CEP78: variants seen among roughly 807,000 people sequenced by gnomAD.
CEP78 encodes the protein centrosomal protein 78.
CEP78 carries 76 observed loss-of-function variants against 81.2 expected under a neutral mutation model. The ratio of observed to expected loss-of-function variants is 0.94; its 90% CI spans 0.78 to 1.13. The LOEUF is 1.13. Ranked by LOEUF, CEP78 falls within the 50% of genes most tolerant of loss-of-function variation. The probability of loss-of-function intolerance (pLI) is 0.00; values close to 1 mark genes in which losing one functional copy is unlikely to be tolerated. For missense variants in CEP78, 918 were observed against 846.8 expected (o/e 1.08, Z -1.04); for synonymous variants, 293 against 301.4 (o/e 0.97, Z 0.29).
At position 78,279,418 on chromosome 9, in the gene CEP78, C is replaced by T. The variant is rs939483190; in HGVS notation, c.*8567C>T. On this transcript the variant is annotated 3_prime_UTR_variant, in exon 17 of 17. Coordinates refer to ENST00000643273, the MANE Select transcript of CEP78 (RefSeq NM_001330691.3). ...CTAAGAATTGAGTTCCTTATTGTAA[C>T]CAGATAGGAGACACTTTTGTATATT... 6 of 152,146 alleles carry T rather than the reference C, an allele frequency of 3.9e-5. No individual in the cohort carries two copies. Among genetic ancestry groups the T allele is most frequent in the African/African-American group, 1.4e-4 (6 of 41,428 alleles). The allele number at this position is 152,146 out of a possible 1,614,324, so 9.4% of individuals were successfully genotyped here.
intron 4 of CEP78, 47 bp downstream of exon 4, chr9:78,241,846 A>G (rs1459760882): frequency 9.8e-7 from 1 of 1,022,800 alleles, no homozygotes; most frequent in Non-Finnish European, 1.5e-6. Flanking sequence ...TATGATTGCC[A>G]CACGTTAATA....
intron 5 of CEP78, among the ~76,000 whole-genome samples, chr9:78,245,289 C>A (rs115704366): frequency 0.021 from 3,192 of 152,040 alleles, 111 homozygotes; most frequent in African/African-American, 0.072. Flanking sequence ...TTCTGGAGTC[C>A]GAGAAGCCCA....
At position 78,273,579 on chromosome 9, in the gene CEP78, C is replaced by CA. The variant is rs35518970; in HGVS notation, c.*2746dup. ...CAAAACTCCGTCTCTACTAAAAATA[C>CA]AAAAAAAAAAAAAAAAAATTAGCTG... On this transcript the variant is annotated 3_prime_UTR_variant, in exon 17 of 17. Coordinates refer to ENST00000643273, the MANE Select transcript of CEP78 (RefSeq NM_001330691.3). 0.39 allele frequency: 45,077 copies of CA among 116,740 alleles called. 8,165 individuals are homozygous for CA. The highest frequency in any genetic ancestry group is 0.51 in the Middle Eastern group (116 of 228). 7.2% of individuals were successfully genotyped at this position (116,740 alleles called of 1,614,324 possible).
rs775771977 is a variant in CEP78 at position 78,240,004 on chromosome 9, T to C, written c.254-19T>C. ...ATTGTATGATTGAAGTCACTAACTTTCTTTTATCTTTGTTTTAGGTTCTGA... is the reference window on the plus strand; with the variant it reads ...ATTGTATGATTGAAGTCACTAACTTCCTTTTATCTTTGTTTTAGGTTCTGA... On this transcript the variant is annotated intron_variant, in intron 1 of 16. Transcript: ENST00000643273. The C allele has an allele frequency of 6.5e-6, 10 of 1,542,574 alleles. No homozygotes were observed. The African/African-American group carries it at 1.1e-4, about 17-fold the overall frequency.
intron 1 of CEP78, among the ~76,000 whole-genome samples, chr9:78,237,242 A>G (rs898286085): frequency 1.3e-5 from 2 of 151,746 alleles, no homozygotes; most frequent in Admixed American, 6.6e-5. Context: ...CGGCCTTCCA[A>G]AGTGCTGGGA....
chr9:78,236,241 C>G lies in CEP78; in HGVS notation c.-110C>G. 3.2e-6 allele frequency: 3 copies of G among 944,906 alleles called. No individual in the cohort carries two copies. Among genetic ancestry groups the G allele is most frequent in the Non-Finnish European group, 4.6e-6 (3 of 649,016 alleles). 58.5% of individuals were successfully genotyped at this position (944,906 alleles called of 1,614,324 possible). On this transcript the variant is annotated 5_prime_UTR_variant, in exon 1 of 17. Coordinates refer to ENST00000643273, the MANE Select transcript of CEP78 (RefSeq NM_001330691.3). The stretch of plus-strand genomic sequence containing the variant: ...GCTCCTGAGCCCGGTGCGGGGCTGC[C>G]GCTATCGCCTGGCCGTGGGTGCCGG...
chr9:78,267,019 G>A, intron 16 of CEP78: 1 of 1,303,264 alleles, frequency 7.7e-7, no homozygotes. Context: ...TAAATCTTTT[G>A]AAACTATGTT....
rs774300100 is a variant in CEP78 at position 78,266,628 on chromosome 9, G to A, written c.2032G>A (p.Gly678Arg). 11 of 1,612,710 alleles carry A rather than the reference G, an allele frequency of 6.8e-6. No individual in the cohort carries two copies. Among genetic ancestry groups the A allele is most frequent in the Non-Finnish European group, 9.3e-6 (11 of 1,179,354 alleles). ...TTCTCCTTCACCAGATGCGACTTCT[G>A]GAACTGGAAGTCAAAGAAAAGAAGA... ...MCSPSPDATS[G>R]TGSQRKEEEL... The change falls in exon 16 of 17, where the codon GGA becomes AGA. Residue 678 changes from glycine (G) to arginine (R), a missense_variant. Physicochemically the swap from Gly to Arg is moderately radical, Grantham distance 125 (BLOSUM62 -2). Transcript: ENST00000643273.
In CEP78 at chr9:78,265,499, C is replaced by T; in HGVS notation, c.1753C>T (p.Pro585Ser). ...AAAGAAGGCGCTTGAAGATGAAAAA[C>T]CAGAACCGAAGCAGAATGCCCTAGG... Reference protein sequence around the residue: ...EEKKALEDEKPEPKQNALGQM... With the variant: ...EEKKALEDEKSEPKQNALGQM... Residue 585 changes from proline to serine, a missense_variant, in exon 14 of 17, where the codon CCA (proline) becomes TCA (serine). Physicochemically the swap from Pro to Ser is moderately conservative, Grantham distance 74. Transcript: ENST00000643273. 1 of 1,583,346 alleles carries T rather than the reference C, an allele frequency of 6.3e-7. No individual in the cohort carries two copies. The highest frequency in any genetic ancestry group is 1.7e-4 in the Middle Eastern group (1 of 6,026).
intron 15 of CEP78, 69 bp from the exon 16 acceptor site, chr9:78,266,373 G>A (rs983082093): frequency 4.9e-5 from 58 of 1,191,528 alleles, no homozygotes; most frequent in Admixed American, 2.4e-4. Flanking sequence ...TAACATTGAC[G>A]TTTTGAACTC....
In CEP78 at chr9:78,278,830, AC is replaced by A. The variant is rs1827853055; in HGVS notation, c.*7982del. ...TTTTCTTTAGATTTCCCTTTTCAGAACCCTTTTGTGACACTGAAAACCTGAG... is the reference window on the plus strand; with the variant it reads ...TTTTCTTTAGATTTCCCTTTTCAGAACCTTTTGTGACACTGAAAACCTGAG... On this transcript the variant is annotated 3_prime_UTR_variant, in exon 17 of 17. Transcript: ENST00000643273. 1 of 152,096 alleles carries A rather than the reference AC, an allele frequency of 6.6e-6. No homozygotes were observed. The allele number at this position is 152,096 out of a possible 1,614,324, so 9.4% of individuals were successfully genotyped here. A position where few individuals can be genotyped will look rare whatever the true frequency, so the allele number is the denominator to read the frequency against.
rs185257473 is a variant in CEP78 at position 78,275,174 on chromosome 9, G to A, written c.*4323G>A. Reference sequence around the variant, plus strand: ...ATAATTTACTATAAATAATTGTGTAGTGTTAAACCAATAAATTTGAAAGAC... The same window carrying A: ...ATAATTTACTATAAATAATTGTGTAATGTTAAACCAATAAATTTGAAAGAC... On this transcript the variant is annotated 3_prime_UTR_variant, in exon 17 of 17. Coordinates refer to ENST00000643273, the MANE Select transcript of CEP78 (RefSeq NM_001330691.3). The A allele has an allele frequency of 1.2e-3, 183 of 152,270 alleles. 1 individual carries two copies. Among genetic ancestry groups the A allele is most frequent in the African/African-American group, 4.3e-3 (178 of 41,558 alleles). 9.4% of individuals were successfully genotyped at this position (152,270 alleles called of 1,614,324 possible).
intron 10 of CEP78, chr9:78,254,594 A>G (rs1826924647): frequency 5.7e-6 from 1 of 175,772 alleles, no homozygotes; most frequent in African/African-American, 2.4e-5. Flanking sequence ...GTAAAAAAGA[A>G]AAAAAAAATA....
At chr9:78,237,283 T>C (rs1279773281) in intron 1 of CEP78, among the ~76,000 whole-genome samples, 1 of 151,994 alleles carries the variant, frequency 6.6e-6, no homozygotes, top group African/African-American at 2.4e-5. Flanking sequence ...GCCCGGCCTG[T>C]CTTCATTTTT....
chr9:78,271,557 A>G lies in CEP78; in HGVS notation c.*706A>G, dbSNP rs1252185599. ...GAAGATGGACTACACAGCAGAATGG[A>G]TTCATTTGAAGCTTAAATTCATGAA... On this transcript the variant is annotated 3_prime_UTR_variant, in exon 17 of 17. Coordinates refer to ENST00000643273, the MANE Select transcript of CEP78 (RefSeq NM_001330691.3). 6.6e-6 allele frequency: 1 copy of G among 152,220 alleles called. No homozygotes were observed. The highest frequency in any genetic ancestry group is 1.5e-5 in the Non-Finnish European group (1 of 68,036). The allele number at this position is 152,220 out of a possible 1,614,324, so 9.4% of individuals were successfully genotyped here.
At chr9:78,264,116 A>G in intron 12 of CEP78, 34 bp from the exon 13 acceptor site, 4 of 1,375,254 alleles carry the variant, frequency 2.9e-6, no homozygotes, top group Non-Finnish European at 3.8e-6. Context: ...AATGAGAGAA[A>G]ATCATGTCAC....
chr9:78,254,740 T>C (rs1826931960), intron 10 of CEP78, 96 bp from the exon 11 acceptor site: 1 of 940,460 alleles, frequency 1.1e-6, no homozygotes, highest in African/African-American at 1.7e-5. Context: ...TTATAGAGAA[T>C]GACTTAACAC....
chr9:78,262,992 A>G lies in CEP78; in HGVS notation c.1458+8A>G, dbSNP rs1334683788. 1 of 1,521,190 alleles carries G rather than the reference A, an allele frequency of 6.6e-7. No individual in the cohort carries two copies. Among genetic ancestry groups the G allele is most frequent in the Non-Finnish European group, 8.9e-7 (1 of 1,128,258 alleles). 94.2% of individuals were successfully genotyped at this position (1,521,190 alleles called of 1,614,324 possible). ...GATAAACGAGTCAGTGAGGTAAATA[A>G]AAGTTTTCTTACCTTTTGAGAGTTT... On this transcript the variant is annotated splice_region_variant and intron_variant, in intron 12 of 16. Coordinates refer to ENST00000643273, the MANE Select transcript of CEP78 (RefSeq NM_001330691.3).
intron 16 of CEP78, among the ~76,000 whole-genome samples, chr9:78,267,975 T>C (rs987829170): frequency 6.6e-5 from 10 of 152,076 alleles, no homozygotes; most frequent in African/African-American, 2.2e-4. Flanking sequence ...AATCATGGAT[T>C]GACTTATGGG....
Sources: gnomAD v4.1 joint callset for allele counts (sites outside exome capture counted in the v4.1 genomes callset) on GRCh38, gnomAD v4.1.1 for gene constraint, MANE v1.5 for transcripts, NCBI Gene and HGNC (gene_info 2026-07-23, HGNC 2026-07-21) for gene names.